Variants in HELZ observed in about 807,000 individuals in gnomAD.
HELZ encodes the protein helicase with zinc finger.
HELZ carries 23 observed loss-of-function variants against 218.2 expected under a neutral mutation model. That is an observed-to-expected ratio of 0.11 (90% CI 0.08 to 0.15). HELZ has a LOEUF of 0.15. Among genes scored for constraint, HELZ ranks in the 10% least tolerant of loss-of-function variants. The pLI is 1.00. For synonymous variants in HELZ, 814 were observed against 829.4 expected, an observed-to-expected ratio of 0.98 and a Z score of 0.32; for missense variants, 1,813 against 2,353.7, an observed-to-expected ratio of 0.77 and a Z score of 4.75.
intron 32 of HELZ, among the ~76,000 whole-genome samples, chr17:67,084,231 T>C (rs1035560197): frequency 6.6e-6 from 1 of 152,176 alleles, no homozygotes; most frequent in Non-Finnish European, 1.5e-5. Flanking sequence ...CTCCAAGCAA[T>C]GAAGAAAATA....
At chr17:67,199,889 C>T (rs944918793) in intron 7 of HELZ, among the ~76,000 whole-genome samples, 1 of 152,184 alleles carries the variant, frequency 6.6e-6, no homozygotes, top group African/African-American at 2.4e-5. Flanking sequence ...ACCTTCTCAA[C>T]TCTCAGCTCT....
At chr17:67,193,915 T>C in intron 9 of HELZ, 52 bp downstream of exon 9, 1 of 1,342,674 alleles carries the variant, frequency 7.4e-7, no homozygotes, top group Non-Finnish European at 1.1e-6. Flanking sequence ...GAAAATTATC[T>C]GTCCTTTCAA....
At chr17:67,098,003 T>C (rs1418488602) in intron 31 of HELZ, among the ~76,000 whole-genome samples, 1 of 152,204 alleles carries the variant, frequency 6.6e-6, no homozygotes, top group Non-Finnish European at 1.5e-5. Flanking sequence ...TACAACTGGA[T>C]ACAATTCAAG....
Position 67,215,937 on chromosome 17 carries a change from T to A in HELZ, c.211-2A>T, listed in dbSNP as rs1190190614. 1 of 1,523,440 alleles carries A rather than the reference T, an allele frequency of 6.6e-7. No individual in the cohort carries two copies. The highest frequency in any genetic ancestry group is 9.1e-7 in the Non-Finnish European group (1 of 1,101,730). The allele number at this position is 1,523,440 out of a possible 1,614,324, so 94.4% of individuals were successfully genotyped here. ...TTCATCAGCTTGCACATAATTTTTC[T>A]GCAAAACAAAAATACAAGATAAAAT... On this transcript the variant is annotated splice_acceptor_variant, in intron 4 of 32. Coordinates refer to ENST00000358691, the MANE Select transcript of HELZ (RefSeq NM_014877.4). LOFTEE classifies it high-confidence loss of function.
chr17:67,234,441 C>A (rs1277301843), intron 3 of HELZ, among the ~76,000 whole-genome samples: 1 of 152,022 alleles, frequency 6.6e-6, no homozygotes, highest in Non-Finnish European at 1.5e-5. Flanking sequence ...GCCACCAACT[C>A]AATTCAGGTT....
chr17:67,186,612 A>G lies in HELZ; in HGVS notation c.1162+1707T>C, dbSNP rs191221158. Among the ~76,000 whole-genome samples the G allele has an allele frequency of 2.0e-5, 3 of 152,266 alleles. No individual in the cohort carries two copies. The East Asian group carries it at 5.8e-4, about 29-fold the overall frequency. On this transcript the variant is annotated intron_variant, in intron 12 of 32. Coordinates refer to ENST00000358691, the MANE Select transcript of HELZ (RefSeq NM_014877.4). ...TGTTTTAATACTATCGTTCTTTTAC[A>G]TTTTACTGCAGACATTTAACATTTT... is the stretch of plus-strand genomic sequence containing the variant.
chr17:67,085,081 A>T (rs1346512457), intron 32 of HELZ, among the ~76,000 whole-genome samples: 1 of 151,750 alleles, frequency 6.6e-6, no homozygotes, highest in Non-Finnish European at 1.5e-5. Flanking sequence ...CACTCTAGCC[A>T]CGGTGACAGA....
At chr17:67,201,244 A>G in intron 6 of HELZ, 59 bp from the exon 7 acceptor site, 2 of 1,075,890 alleles carry the variant, frequency 1.9e-6, no homozygotes, top group Non-Finnish European at 2.8e-6. Flanking sequence ...TTACTATGGC[A>G]ACTTAGCTCA....
intron 31 of HELZ, among the ~76,000 whole-genome samples, chr17:67,100,146 T>C (rs1159589242): frequency 6.6e-6 from 1 of 152,184 alleles, no homozygotes; most frequent in Non-Finnish European, 1.5e-5. Flanking sequence ...ATCTGTACAA[T>C]ACTTTCCTCT....
At chr17:67,235,517 A>AG (rs977774375) in intron 3 of HELZ, among the ~76,000 whole-genome samples, 1 of 151,552 alleles carries the variant, frequency 6.6e-6, no homozygotes, top group Admixed American at 6.6e-5. Context: ...AAAAAAAAAA[A>AG]AGAGAGAGAC....
chr17:67,238,551 G>A (rs887525393), intron 3 of HELZ, among the ~76,000 whole-genome samples: 10 of 151,928 alleles, frequency 6.6e-5, no homozygotes, highest in Middle Eastern at 3.4e-3. Context: ...GCATGGTGGC[G>A]GGCGCCTGTA....
chr17:67,197,435 T>C (rs1435629739), intron 7 of HELZ, among the ~76,000 whole-genome samples: 1 of 152,190 alleles, frequency 6.6e-6, no homozygotes, highest in Non-Finnish European at 1.5e-5. Context: ...TTAAACTCAG[T>C]TCTCACACTT....
intron 12 of HELZ, among the ~76,000 whole-genome samples, chr17:67,180,936 C>G (rs1307361355): frequency 4.0e-5 from 6 of 150,328 alleles, no homozygotes; most frequent in South Asian, 4.2e-4. Context: ...ACGTGTAATC[C>G]CAGCTACTTA....
intron 3 of HELZ, among the ~76,000 whole-genome samples, chr17:67,237,286 A>G (rs115014091): frequency 0.018 from 2,798 of 152,000 alleles, 82 homozygotes; most frequent in African/African-American, 0.061. Context: ...CTCTGTCTCG[A>G]AAAAAAACAA....
intron 3 of HELZ, among the ~76,000 whole-genome samples, chr17:67,234,292 CAAAAAAAAA>C (rs149931184): frequency 1.2e-5 from 1 of 83,216 alleles, no homozygotes; most frequent in Non-Finnish European, 2.6e-5. Context: ...CACTGTACTC[CAAAAAAAAA>C]AAAAAAAGAA....
intron 3 of HELZ, among the ~76,000 whole-genome samples, chr17:67,236,900 T>G (rs1402701266): frequency 6.6e-6 from 1 of 152,124 alleles, no homozygotes; most frequent in Non-Finnish European, 1.5e-5. Context: ...CTTGACTGAG[T>G]GTTTTCATAC....
chr17:67,207,210 C>T (rs1020969598), intron 5 of HELZ, among the ~76,000 whole-genome samples: 1 of 125,270 alleles, frequency 8.0e-6, no homozygotes, highest in Non-Finnish European at 1.6e-5. Context: ...CCACGCCCGG[C>T]CTTTTTTTTT....
At chr17:67,146,999 C>T (rs1173122442) in intron 20 of HELZ, among the ~76,000 whole-genome samples, 1 of 152,124 alleles carries the variant, frequency 6.6e-6, no homozygotes, top group Non-Finnish European at 1.5e-5. Context: ...CATACTATAG[C>T]TAACAGAAAT....
At chr17:67,078,644 C>G (rs2036090767) in intron 32 of HELZ, 58 bp from the exon 33 acceptor site, 1 of 1,219,396 alleles carries the variant, frequency 8.2e-7, no homozygotes, top group African/African-American at 1.5e-5. Context: ...GTTCATGTGC[C>G]TCATTCACTC....
Sources: gnomAD v4.1 joint callset for allele counts (sites outside exome capture counted in the v4.1 genomes callset) on GRCh38, gnomAD v4.1.1 for gene constraint, MANE v1.5 for transcripts, NCBI Gene and HGNC (gene_info 2026-07-23, HGNC 2026-07-21) for gene names.